The following PLXND1 variants were observed in gnomAD, a reference collection of about 807,000 sequenced individuals.
The protein encoded by PLXND1 is plexin D1, also known as plexin-D1.
PLXND1 carries 54 observed loss-of-function variants against 197.7 expected under a neutral mutation model. The ratio of observed to expected loss-of-function variants is 0.27; its 90% CI spans 0.22 to 0.34. The LOEUF is 0.34. Among genes scored for constraint, PLXND1 ranks in the 10% least tolerant of loss-of-function variants. PLXND1 has a pLI of 1.00. For missense variants in PLXND1, 2,127 were observed against 2,699.2 expected (o/e 0.79, Z 4.70); for synonymous variants, 1,180 against 1,161.2 (o/e 1.02, Z -0.33).
At chr3:129,602,756 T>A (rs913577359) in intron 1 of PLXND1, among the ~76,000 whole-genome samples, 2 of 152,116 alleles carry the variant, frequency 1.3e-5, no homozygotes, top group African/African-American at 4.8e-5. Context: ...CTTAGAGTAA[T>A]AACAAGAAGA....
intron 19 of PLXND1, among the ~76,000 whole-genome samples, chr3:129,570,516 T>C (rs1475830074): frequency 6.6e-6 from 1 of 152,198 alleles, no homozygotes; most frequent in Non-Finnish European, 1.5e-5. Context: ...GGCTCTAGGA[T>C]AGACGCCAAG....
rs761800196 is a variant in PLXND1 at position 129,605,774 on chromosome 3, G to C, written c.866C>G (p.Pro289Arg). The C allele has an allele frequency of 2.5e-6, 4 of 1,575,884 alleles. No homozygotes were observed. The Admixed American group carries it at 7.4e-5, about 29-fold the overall frequency. Reference sequence around the variant, plus strand: ...CGCGTAGGACTGTGCACCCGGCGGCGGGTCGGACGGGTGCAGGAAGGCGCT... The same window carrying C: ...CGCGTAGGACTGTGCACCCGGCGGCCGGTCGGACGGGTGCAGGAAGGCGCT... The part of the protein sequence containing the change: ...FVSAFLHPSD[P>R]PPGAQSYAYL... The change falls in exon 1 of 36, where the codon CCG becomes CGG. Residue 289 changes from proline to arginine, a missense_variant. Physicochemically the swap from Pro to Arg is moderately radical, Grantham distance 103 (BLOSUM62 -2). Transcript: ENST00000324093.
chr3:129,560,663 C>T (rs1193522824), intron 30 of PLXND1, 26 bp downstream of exon 30: 1 of 1,576,534 alleles, frequency 6.3e-7, no homozygotes, highest in Non-Finnish European at 8.7e-7. Flanking sequence ...GGGCTGGATC[C>T]CCCGGGGCCG....
chr3:129,584,726 C>G lies in PLXND1; in HGVS notation c.1852-164G>C, dbSNP rs553877540. On this transcript the variant is annotated intron_variant, in intron 5 of 35. Coordinates refer to ENST00000324093, the MANE Select transcript of PLXND1 (RefSeq NM_015103.3). ...CCAGAGGGCTATGCCCTACATGTGA[C>G]CCTCTGAGCCTCAGTTTCCCCAGCT... Among the ~76,000 whole-genome samples the G allele has an allele frequency of 4.6e-4, 70 of 152,306 alleles. No individual in the cohort carries two copies. In the Middle Eastern group the frequency reaches 0.01, roughly 22 times the overall value.
chr3:129,571,652 G>T, intron 16 of PLXND1, 25 bp downstream of exon 16: 1 of 1,613,888 alleles, frequency 6.2e-7, no homozygotes. Flanking sequence ...GAGAGCCTGG[G>T]GGAAGGGCGG....
At position 129,589,336 on chromosome 3, in the gene PLXND1, C is replaced by A; in HGVS notation, c.1488+15G>T. The A allele has an allele frequency of 6.5e-7, 1 of 1,539,294 alleles. No homozygotes were observed. Among genetic ancestry groups the A allele is most frequent in the Admixed American group, 1.7e-5 (1 of 57,652 alleles). ...CCCACCCCCACCCCCTCCCCACATC[C>A]CCAACCATACCTACCTTGAGAAGCC... On this transcript the variant is annotated intron_variant, in intron 2 of 35. Transcript: ENST00000324093.
intron 1 of PLXND1, among the ~76,000 whole-genome samples, chr3:129,599,267 G>A (rs1435979174): frequency 2.6e-5 from 4 of 152,262 alleles, no homozygotes; most frequent in South Asian, 2.1e-4. Context: ...TGCCGGGCCC[G>A]ATGCGCGTGG....
rs201057995 is a variant in PLXND1, at chr3:129,605,815, G to T, written c.825C>A (p.His275Gln). The change falls in exon 1 of 36, where the codon CAC becomes CAA. Residue 275 changes from histidine to glutamine, a missense_variant. This residue lies in a region of PLXND1 where 1,095 missense variants were observed against 1,259.8 expected (regional missense o/e 0.87). Coordinates refer to ENST00000324093, the MANE Select transcript of PLXND1 (RefSeq NM_015103.3). ...GGAAGGCGCTCACGAAGCCCAGCTTGTGCTGCTCCTTGGCGCCCTGCTTGA... is the reference window on the plus strand; with the variant it reads ...GGAAGGCGCTCACGAAGCCCAGCTTTTGCTGCTCCTTGGCGCCCTGCTTGA... ...LKIKQGAKEQHKLGFVSAFLH... is the reference protein window; with the variant it reads ...LKIKQGAKEQQKLGFVSAFLH... The T allele has an allele frequency of 1.2e-6, 2 of 1,609,530 alleles. No individual in the cohort carries two copies. The highest frequency in any genetic ancestry group is 2.2e-5 in the East Asian group (1 of 44,664).
chr3:129,576,097 T>C (rs1366825177), intron 9 of PLXND1, among the ~76,000 whole-genome samples: 2 of 152,196 alleles, frequency 1.3e-5, no homozygotes, highest in Non-Finnish European at 2.9e-5. Context: ...TCAGCACCAC[T>C]AAAAGCCTCT....
At chr3:129,569,192 T>C (rs916773477) in intron 20 of PLXND1, 2 of 152,442 alleles carry the variant, frequency 1.3e-5, no homozygotes, top group African/African-American at 2.4e-5. Context: ...CATTTATTCA[T>C]TTATTGGTTG....
chr3:129,597,075 A>T (rs1293781990), intron 1 of PLXND1, among the ~76,000 whole-genome samples: 1 of 152,254 alleles, frequency 6.6e-6, no homozygotes, highest in East Asian at 1.9e-4. Context: ...TTTCTGTATT[A>T]TCTCATTCAA....
Position 129,567,548 on chromosome 3 carries a change from G to A in PLXND1, c.4030C>T (p.Gln1344Ter). Residue 1344 changes from glutamine (Q) to a stop codon, truncating the protein, a stop_gained, in exon 22 of 36, where the codon CAG becomes TAG. Coordinates refer to ENST00000324093, the MANE Select transcript of PLXND1 (RefSeq NM_015103.3). LOFTEE classifies it high-confidence loss of function. Reference protein sequence around the residue: ...TDLTKELNRSQGIPFLEYKHF... With the variant: ...TDLTKELNRS ...TTATACTCCAGGAAGGGGATGCCCT[G>A]GCTGCGGTTCAGCTCCTTGGTGAGA... 6.2e-7 allele frequency: 1 copy of A among 1,612,210 alleles called. No individual in the cohort carries two copies. Among genetic ancestry groups the A allele is most frequent in the Non-Finnish European group, 8.5e-7 (1 of 1,178,982 alleles).
chr3:129,605,319 C>G lies in PLXND1; in HGVS notation c.1311+10G>C, dbSNP rs1355771952. ...CCGCCGCCGCCGCCGCCGCCACCGC[C>G]CGGGTGTACCTGGATGTTGAGCTTG... On this transcript the variant is annotated intron_variant, in intron 1 of 35. Transcript: ENST00000324093. 1 of 1,302,258 alleles carries G rather than the reference C, an allele frequency of 7.7e-7. No homozygotes were observed. Among genetic ancestry groups the G allele is most frequent in the African/African-American group, 1.5e-5 (1 of 64,646 alleles). The allele number at this position is 1,302,258 out of a possible 1,614,324, so 80.7% of individuals were successfully genotyped here. A position where few individuals can be genotyped will look rare whatever the true frequency, so the allele number is the denominator to read the frequency against.
chr3:129,576,409 G>A (rs1403668725), intron 9 of PLXND1, among the ~76,000 whole-genome samples: 1 of 152,206 alleles, frequency 6.6e-6, no homozygotes, highest in East Asian at 1.9e-4. Context: ...TCAAATCAAA[G>A]GGGTGTGCCT....
chr3:129,560,554 C>T (rs2085042237), intron 30 of PLXND1, 120 bp from the exon 31 acceptor site: 5 of 954,544 alleles, frequency 5.2e-6, no homozygotes, highest in South Asian at 4.3e-5. Context: ...TGATTCTGGG[C>T]CCCATCCCTA....
chr3:129,559,555 C>A, intron 32 of PLXND1, 65 bp downstream of exon 32: 1 of 1,368,340 alleles, frequency 7.3e-7, no homozygotes. Context: ...AGACTAGACT[C>A]TGAACCCCCT....
At position 129,589,428 on chromosome 3, in the gene PLXND1, G is replaced by C; in HGVS notation, c.1411C>G (p.Leu471Val). ...ACGCTGGCCACGGCCACGGAGGTGA[G>C]GCCCGGGGCGCGGAACACGGGCGTG... ...KATPVFRAPG[L>V]TSVAVASVNN... The change falls in exon 2 of 36, where the codon CTC becomes GTC. Residue 471 changes from leucine (L) to valine (V), a missense_variant. By Grantham distance (32) the Leu-to-Val change is conservative. Coordinates refer to ENST00000324093, the MANE Select transcript of PLXND1 (RefSeq NM_015103.3). 1 of 1,611,820 alleles carries C rather than the reference G, an allele frequency of 6.2e-7. No individual in the cohort carries two copies.
At position 129,557,272 on chromosome 3, in the gene PLXND1, G is replaced by C. The variant is rs564981091; in HGVS notation, c.5446-49C>G. The C allele has an allele frequency of 1.9e-6, 3 of 1,608,372 alleles. No homozygotes were observed. Among genetic ancestry groups the C allele is most frequent in the African/African-American group, 2.7e-5 (2 of 74,918 alleles). ...TTAGATGGCTGCTGGAGAAAGGACG[G>C]ATCTGGTCGTTTTCTGGATGAGCCC... On this transcript the variant is annotated intron_variant, in intron 33 of 35. Transcript: ENST00000324093. This position sits in a 1 kb window ranked among gnomAD's most constrained non-coding sequence, Gnocchi z 4.8.
intron 17 of PLXND1, 34 bp downstream of exon 17, chr3:129,571,475 C>A (rs757604124): frequency 6.3e-7 from 1 of 1,595,566 alleles, no homozygotes; most frequent in Non-Finnish European, 8.6e-7. Flanking sequence ...CCTGGGCCAC[C>A]CCCTCCCACC....
Sources: gnomAD v4.1 joint callset for allele counts (sites outside exome capture counted in the v4.1 genomes callset) on GRCh38, gnomAD v4.1.1 for gene constraint, gnomAD v4.1.1 regional missense constraint, Gnocchi (gnomAD v3.1) non-coding constraint, MANE v1.5 for transcripts, NCBI Gene and HGNC (gene_info 2026-07-23, HGNC 2026-07-21) for gene names.